The following LRRC2 variants were observed in gnomAD, a reference collection of about 807,000 sequenced individuals.
LRRC2 encodes leucine rich repeat containing 2.
Under a neutral mutation model 40.2 loss-of-function variants are expected in LRRC2, and 27 were observed. The observed-to-expected ratio is 0.67, with a 90% CI of 0.49 to 0.93. The LOEUF is 0.93. Ranked by LOEUF, LRRC2 falls within the 40% of genes least tolerant of loss-of-function variation. The pLI is 0.00. For missense variants in LRRC2, 402 were observed against 439.6 expected, an observed-to-expected ratio of 0.91 and a Z score of 0.76; for synonymous variants, 147 against 158.9, an observed-to-expected ratio of 0.92 and a Z score of 0.56.
chr3:46,525,567 A>G (rs1380159266), intron 7 of LRRC2, among the ~76,000 whole-genome samples: 3 of 152,144 alleles, frequency 2.0e-5, no homozygotes, highest in African/African-American at 7.2e-5. Flanking sequence ...AATCCTTGAT[A>G]AGGCAAGTTC....
At chr3:46,553,626 C>T (rs1159050876) in intron 1 of LRRC2, among the ~76,000 whole-genome samples, 2 of 151,880 alleles carry the variant, frequency 1.3e-5, no homozygotes, top group Non-Finnish European at 2.9e-5. Context: ...TAGCTGGGAC[C>T]ACAGTCGTGC....
intron 6 of LRRC2, among the ~76,000 whole-genome samples, chr3:46,528,389 C>T (rs1704096236): frequency 6.6e-6 from 1 of 152,004 alleles, no homozygotes; most frequent in South Asian, 2.1e-4. Context: ...CCTTGGCCTC[C>T]CAAAGTGCTA....
Position 46,516,680 on chromosome 3 carries a change from T to G in LRRC2, c.*2334A>C, listed in dbSNP as rs1275248762. 6.6e-6 allele frequency: 1 copy of G among 152,236 alleles called. No homozygotes were observed. The highest frequency in any genetic ancestry group is 1.5e-5 in the Non-Finnish European group (1 of 68,092). 9.4% of individuals were successfully genotyped at this position (152,236 alleles called of 1,614,324 possible). A position where few individuals can be genotyped will look rare whatever the true frequency, so the allele number is the denominator to read the frequency against. ...GAACCCCAGCCTGGGCCTTGAACAT[T>G]CCTAGGCACTGATAACGGTGCTTAG... On this transcript the variant is annotated 3_prime_UTR_variant, in exon 9 of 9. Coordinates refer to ENST00000395905, the MANE Select transcript of LRRC2 (RefSeq NM_024512.5).
intron 7 of LRRC2, among the ~76,000 whole-genome samples, chr3:46,525,096 T>C (rs200096980): frequency 0.064 from 9,599 of 149,192 alleles, 463 homozygotes; most frequent in South Asian, 0.17. Context: ...CTTTTTTTTT[T>C]TTTTTTTTTA....
rs1703888271 is a variant in LRRC2, at chr3:46,517,578, C to T, written c.*1436G>A. The T allele has an allele frequency of 6.6e-6, 1 of 152,150 alleles. No homozygotes were observed. The highest frequency in any genetic ancestry group is 2.1e-4 in the South Asian group (1 of 4,822). The allele number at this position is 152,150 out of a possible 1,614,324, so 9.4% of individuals were successfully genotyped here. ...CTGTTCTCAAATTCCTGGGCTCAAACAACCTGCTTGCCTCAGCCTCCCATA... is the reference window on the plus strand; with the variant it reads ...CTGTTCTCAAATTCCTGGGCTCAAATAACCTGCTTGCCTCAGCCTCCCATA... On this transcript the variant is annotated 3_prime_UTR_variant, in exon 9 of 9. Coordinates refer to ENST00000395905, the MANE Select transcript of LRRC2 (RefSeq NM_024512.5).
chr3:46,539,766 C>T (rs914228475), intron 3 of LRRC2, among the ~76,000 whole-genome samples: 2 of 152,242 alleles, frequency 1.3e-5, no homozygotes, highest in Non-Finnish European at 2.9e-5. Flanking sequence ...GCTGAAATGA[C>T]ATTGATGAAC....
chr3:46,539,326 C>G, intron 3 of LRRC2, 125 bp from the exon 4 acceptor site: 1 of 831,798 alleles, frequency 1.2e-6, no homozygotes, highest in Non-Finnish European at 1.9e-6. Flanking sequence ...AACTTAACCA[C>G]CAGCACTCCA....
chr3:46,563,602 G>A (rs1704994090), intron 1 of LRRC2, among the ~76,000 whole-genome samples: 2 of 152,252 alleles, frequency 1.3e-5, no homozygotes, highest in Middle Eastern at 3.4e-3. Context: ...AAGTAAACCC[G>A]CCTGTTATTT....
chr3:46,526,266 A>G (rs906317423), intron 7 of LRRC2, among the ~76,000 whole-genome samples: 3 of 152,236 alleles, frequency 2.0e-5, no homozygotes, highest in African/African-American at 7.2e-5. Context: ...CAATAATTCA[A>G]AGAGCTTCCA....
At chr3:46,522,756 T>C (rs949759731) in intron 7 of LRRC2, among the ~76,000 whole-genome samples, 1 of 100,360 alleles carries the variant, frequency 1.0e-5, no homozygotes, top group Admixed American at 1.1e-4. Context: ...GATGAACTAC[T>C]GCTAACACAC....
Position 46,518,376 on chromosome 3 carries a change from T to C in LRRC2, c.*638A>G, listed in dbSNP as rs1703903982. ...ATCTTTTTCTTTTCTTTTTTTTTTTTTTTGAGACAGAGTCTGGCTCTGTCA... is the reference window on the plus strand; with the variant it reads ...ATCTTTTTCTTTTCTTTTTTTTTTTCTTTGAGACAGAGTCTGGCTCTGTCA... On this transcript the variant is annotated 3_prime_UTR_variant, in exon 9 of 9. Transcript: ENST00000395905. The C allele has an allele frequency of 6.6e-6, 1 of 151,648 alleles. No homozygotes were observed. The highest frequency in any genetic ancestry group is 1.5e-5 in the Non-Finnish European group (1 of 67,910). 9.4% of individuals were successfully genotyped at this position (151,648 alleles called of 1,614,324 possible). A position where few individuals can be genotyped will look rare whatever the true frequency, so the allele number is the denominator to read the frequency against.
chr3:46,533,443 G>A (rs780305290), intron 4 of LRRC2, among the ~76,000 whole-genome samples: 3 of 152,082 alleles, frequency 2.0e-5, no homozygotes, highest in Non-Finnish European at 2.9e-5. Context: ...CCTAACTTAC[G>A]ATGGAATTAC....
Position 46,530,017 on chromosome 3 carries a change from T to C in LRRC2, c.661A>G (p.Ile221Val). 6.2e-7 allele frequency: 1 copy of C among 1,613,696 alleles called. No individual in the cohort carries two copies. The highest frequency in any genetic ancestry group is 1.3e-5 in the African/African-American group (1 of 75,036). Residue 221 changes from isoleucine (I) to valine (V), a missense_variant, in exon 6 of 9, where the codon ATC becomes GTC. By Grantham distance (29) the Ile-to-Val change is conservative. Transcript: ENST00000395905. Reference protein sequence around the residue: ...SNLKQVTFVDISANKFSSVPI... With the variant: ...SNLKQVTFVDVSANKFSSVPI... ...ACACTGGAAAACTTGTTTGCTGAGATATCTACAAATGTAACTTGCTTCAAA... is the reference window on the plus strand; with the variant it reads ...ACACTGGAAAACTTGTTTGCTGAGACATCTACAAATGTAACTTGCTTCAAA...
At chr3:46,556,079 T>C (rs948408859) in intron 1 of LRRC2, among the ~76,000 whole-genome samples, 2 of 152,086 alleles carry the variant, frequency 1.3e-5, no homozygotes, top group Admixed American at 6.6e-5. Flanking sequence ...CACTTTCCTA[T>C]AGGAGATGCA....
intron 3 of LRRC2, 134 bp downstream of exon 3, chr3:46,544,912 C>T (rs753649001): frequency 3.8e-5 from 33 of 860,958 alleles, no homozygotes; most frequent in Middle Eastern, 3.5e-4. Flanking sequence ...TCCAGGACTG[C>T]GCTGCGTTTC....
chr3:46,550,377 CTTTTTTTTT>C (rs34602158), intron 2 of LRRC2, among the ~76,000 whole-genome samples: 1 of 84,006 alleles, frequency 1.2e-5, no homozygotes, highest in Admixed American at 1.6e-4. Context: ...CCTTACACAT[CTTTTTTTTT>C]TTTTTTTTTT....
intron 1 of LRRC2, among the ~76,000 whole-genome samples, chr3:46,560,698 T>C (rs796408558): frequency 6.6e-6 from 1 of 152,110 alleles, no homozygotes. Flanking sequence ...GTGGGTCTGG[T>C]TTTGTGTGGT....
chr3:46,560,577 G>A (rs1047108767), intron 1 of LRRC2, among the ~76,000 whole-genome samples: 2 of 152,124 alleles, frequency 1.3e-5, no homozygotes, highest in Admixed American at 1.3e-4. Flanking sequence ...ACTTTACAAC[G>A]AAGTAGATTC....
At chr3:46,543,287 A>G (rs1450130844) in intron 3 of LRRC2, among the ~76,000 whole-genome samples, 1 of 152,076 alleles carries the variant, frequency 6.6e-6, no homozygotes, top group Non-Finnish European at 1.5e-5. Context: ...AATTCTAACC[A>G]TCTTCCCATT....
Sources: gnomAD v4.1 joint callset for allele counts (sites outside exome capture counted in the v4.1 genomes callset) on GRCh38, gnomAD v4.1.1 for gene constraint, MANE v1.5 for transcripts, NCBI Gene and HGNC (gene_info 2026-07-23, HGNC 2026-07-21) for gene names.